Variants in MECOM observed in about 807,000 individuals in gnomAD.
The protein encoded by MECOM is histone-lysine N-methyltransferase MECOM.
MECOM carries 13 observed loss-of-function variants against 116.3 expected under a neutral mutation model. That is an observed-to-expected ratio of 0.11 (90% CI 0.07 to 0.18). The LOEUF is 0.18. Among genes scored for constraint, MECOM ranks in the 10% least tolerant of loss-of-function variants. The probability of loss-of-function intolerance (pLI) is 1.00; values close to 1 mark genes in which losing one functional copy is unlikely to be tolerated. For synonymous variants in MECOM, 528 were observed against 535.2 expected (o/e 0.99, Z 0.19); for missense variants, 1,299 against 1,509.0 (o/e 0.86, Z 2.31).
intron 1 of MECOM, among the ~76,000 whole-genome samples, chr3:169,536,881 CT>C (rs1192997531): frequency 6.6e-5 from 10 of 152,170 alleles, no homozygotes; most frequent in Admixed American, 2.6e-4. Context: ...ATTTTTCAAT[CT>C]CACAATCCTA....
Position 169,093,102 on chromosome 3 carries a change from C to A in MECOM, c.3020G>T (p.Gly1007Val). The change falls in exon 14 of 17, where the codon GGT becomes GTT. Residue 1007 changes from glycine to valine, a missense_variant and splice_region_variant. By Grantham distance (109) the Gly-to-Val change is moderately radical. Around this residue, in one of 6 missense-constraint regions of MECOM, gnomAD observed 273 missense variants for 289.3 expected, o/e 0.94. Coordinates refer to ENST00000651503, the MANE Select transcript of MECOM (RefSeq NM_004991.4). ...AGAATGAGGCGACGATGTTGCTGTA[C>A]CTGTGTGGAGCAGAAAGCCTTTTAT... ...LKKHENGNMSGTATSSPHSEL... is the reference protein window; with the variant it reads ...LKKHENGNMSVTATSSPHSEL... 1 of 1,597,714 alleles carries A rather than the reference C, an allele frequency of 6.3e-7. No homozygotes were observed. Among genetic ancestry groups the A allele is most frequent in the Admixed American group, 1.8e-5 (1 of 56,178 alleles).
intron 3 of MECOM, among the ~76,000 whole-genome samples, chr3:169,140,762 TA>T (rs1737855446): frequency 1.3e-5 from 2 of 151,584 alleles, no homozygotes; most frequent in Non-Finnish European, 2.9e-5. Context: ...TTTCCTTAAA[TA>T]AAATGCTGGT....
intron 2 of MECOM, among the ~76,000 whole-genome samples, chr3:169,311,048 A>C (rs776975718): frequency 5.9e-5 from 9 of 152,214 alleles, no homozygotes; most frequent in Non-Finnish European, 1.2e-4. Flanking sequence ...CATTTTTGCT[A>C]ACCATGGCTG....
chr3:169,379,513 T>C (rs1732053810), intron 2 of MECOM, among the ~76,000 whole-genome samples: 1 of 134,742 alleles, frequency 7.4e-6, no homozygotes, highest in Non-Finnish European at 1.6e-5. Context: ...TGCCAGTGTA[T>C]ATGTGGAAGA....
chr3:169,341,739 C>A (rs76847392), intron 2 of MECOM, among the ~76,000 whole-genome samples: 249 of 121,816 alleles, frequency 2.0e-3, no homozygotes, highest in African/African-American at 3.6e-3. Context: ...GACTCCCTCT[C>A]AAAAAAAAAA....
chr3:169,566,727 A>T (rs1353469915), intron 1 of MECOM, among the ~76,000 whole-genome samples: 2 of 152,154 alleles, frequency 1.3e-5, no homozygotes, highest in Non-Finnish European at 2.9e-5. Flanking sequence ...CAATAGTGCA[A>T]CTTCTTCCCA....
intron 2 of MECOM, among the ~76,000 whole-genome samples, chr3:169,152,803 C>T (rs1326294782): frequency 6.6e-6 from 1 of 152,166 alleles, no homozygotes; most frequent in Non-Finnish European, 1.5e-5. Flanking sequence ...GCATAATCAC[C>T]TAGCTGATCT....
At chr3:169,145,091 T>G in intron 2 of MECOM, 1 of 1,497,356 alleles carries the variant, frequency 6.7e-7, no homozygotes, top group East Asian at 2.5e-5. Context: ...GGGCAATAAG[T>G]CGTCCCAAAA....
intron 1 of MECOM, among the ~76,000 whole-genome samples, chr3:169,493,924 C>T (rs969824452): frequency 1.7e-5 from 2 of 120,710 alleles, no homozygotes; most frequent in African/African-American, 5.4e-5. Context: ...GTGTGTTCAA[C>T]CTGACAGTAA....
chr3:169,133,773 T>C (rs1199246385), intron 3 of MECOM: 5 of 420,144 alleles, frequency 1.2e-5, no homozygotes, highest in Non-Finnish European at 2.1e-5. Context: ...TTACCAGATT[T>C]AAAATAATAA....
At chr3:169,506,826 G>C (rs576463336) in intron 1 of MECOM, among the ~76,000 whole-genome samples, 1 of 152,260 alleles carries the variant, frequency 6.6e-6, no homozygotes, top group African/African-American at 2.4e-5. Flanking sequence ...AGAGTTACTT[G>C]GTCCCAATTT....
At chr3:169,527,235 G>A (rs938624726) in intron 1 of MECOM, among the ~76,000 whole-genome samples, 4 of 152,156 alleles carry the variant, frequency 2.6e-5, no homozygotes, top group Non-Finnish European at 5.9e-5. Context: ...GTTAGCAGAG[G>A]GAAGTGAGCA....
chr3:169,492,916 C>T (rs950414284), intron 1 of MECOM, among the ~76,000 whole-genome samples: 4 of 152,144 alleles, frequency 2.6e-5, no homozygotes, highest in Non-Finnish European at 5.9e-5. Context: ...GCCGAGATCA[C>T]ACCACGGCAC....
intron 2 of MECOM, among the ~76,000 whole-genome samples, chr3:169,162,093 A>C (rs1742935690): frequency 6.6e-6 from 1 of 152,212 alleles, no homozygotes; most frequent in Non-Finnish European, 1.5e-5. Flanking sequence ...GTGGGGCAGC[A>C]ATAGATACCA....
intron 2 of MECOM, among the ~76,000 whole-genome samples, chr3:169,290,248 GA>G (rs1215863781): frequency 6.6e-6 from 1 of 152,062 alleles, no homozygotes; most frequent in Non-Finnish European, 1.5e-5. Flanking sequence ...ATATTTTTGG[GA>G]AAAACACAGT....
chr3:169,640,449 G>GA (rs1773323076), intron 1 of MECOM, among the ~76,000 whole-genome samples: 1 of 152,174 alleles, frequency 6.6e-6, no homozygotes, highest in Admixed American at 6.5e-5. Context: ...AGAAACACTA[G>GA]AAAAAATATT....
intron 1 of MECOM, among the ~76,000 whole-genome samples, chr3:169,446,993 CA>C (rs1744746723): frequency 6.6e-6 from 1 of 152,100 alleles, no homozygotes; most frequent in Non-Finnish European, 1.5e-5. Context: ...ATTTTGTCAA[CA>C]AATAAATACT....
At chr3:169,183,646 G>C (rs542354923) in intron 2 of MECOM, among the ~76,000 whole-genome samples, 3 of 151,984 alleles carry the variant, frequency 2.0e-5, no homozygotes, top group East Asian at 3.9e-4. Context: ...TAAGCTATAA[G>C]CTGGGGTAGA....
intron 6 of MECOM, among the ~76,000 whole-genome samples, chr3:169,121,929 G>C (rs1308632067): frequency 6.6e-6 from 1 of 151,840 alleles, no homozygotes; most frequent in Non-Finnish European, 1.5e-5. Flanking sequence ...GCTAGGAAAT[G>C]TGTTTTGGAA....
Sources: allele counts gnomAD v4.1 joint callset (sites outside exome capture counted in the v4.1 genomes callset), GRCh38; gene constraint gnomAD v4.1.1; regional missense constraint gnomAD v4.1.1; transcripts MANE v1.5; gene names NCBI Gene and HGNC (gene_info 2026-07-23, HGNC 2026-07-21).